Variants in CTNND2 observed in about 807,000 individuals in gnomAD.
The protein encoded by CTNND2 is catenin delta 2.
CTNND2 carries 22 observed loss-of-function variants against 144.4 expected under a neutral mutation model. The observed-to-expected ratio is 0.15, with a 90% confidence interval of 0.11 to 0.22. The LOEUF is 0.22. CTNND2 is among the 10% of genes least tolerant of loss of function. CTNND2 has a pLI of 1.00. For synonymous variants in CTNND2, 751 were observed against 695.6 expected (o/e 1.08, Z -1.25); for missense variants, 1,353 against 1,618.8 (o/e 0.84, Z 2.82).
At chr5:11,609,257 CT>C in intron 2 of CTNND2, among the ~76,000 whole-genome samples, 1 of 152,312 alleles carries the variant, frequency 6.6e-6, no homozygotes, top group Non-Finnish European at 1.5e-5. Flanking sequence ...TATCACATGT[CT>C]CCCAGTAAGT....
chr5:11,719,743 C>G (rs1274074600), intron 2 of CTNND2, among the ~76,000 whole-genome samples: 7 of 151,970 alleles, frequency 4.6e-5, no homozygotes, highest in Admixed American at 4.6e-4. Flanking sequence ...TTAAGTCCCT[C>G]ACAGATATTC....
intron 9 of CTNND2, among the ~76,000 whole-genome samples, chr5:11,312,343 G>C (rs1335470174): frequency 6.6e-6 from 1 of 151,816 alleles, no homozygotes; most frequent in Admixed American, 6.6e-5. Flanking sequence ...CCCAAGACTG[G>C]GAAGAAAAAG....
rs144447939 is a variant in CTNND2 at position 10,995,191 on chromosome 5, C to T, written c.3085-2514G>A. On this transcript the variant is annotated intron_variant, in intron 18 of 21. Transcript: ENST00000304623. ...AAGAGAATGGATGCAAACCTGTAAG[C>T]GAATGCAAATAAAGAAAAGCAGAAG... Among the ~76,000 whole-genome samples the T allele has an allele frequency of 1.5e-3, 235 of 152,176 alleles. 4 individuals carry two copies. Among genetic ancestry groups the T allele is most frequent in the Admixed American group, 0.014 (208 of 15,286 alleles).
chr5:11,605,869 C>G (rs1780017465), intron 2 of CTNND2, among the ~76,000 whole-genome samples: 1 of 152,146 alleles, frequency 6.6e-6, no homozygotes, highest in Admixed American at 6.6e-5. Context: ...TGTAATTACT[C>G]AGTCAAACAT....
At chr5:11,635,010 G>A (rs919063717) in intron 2 of CTNND2, among the ~76,000 whole-genome samples, 1 of 151,956 alleles carries the variant, frequency 6.6e-6, no homozygotes, top group Non-Finnish European at 1.5e-5. Context: ...AGAAATTAGA[G>A]GTAGGGATTA....
In CTNND2 at chr5:11,309,220, G is replaced by A. The variant is rs1286443609; in HGVS notation, c.1628+37152C>T. Among the ~76,000 whole-genome samples the A allele has an allele frequency of 2.0e-5, 3 of 152,158 alleles. No individual in the cohort carries two copies. The South Asian group carries it at 6.2e-4, about 31-fold the overall frequency. Reference sequence around the variant, plus strand: ...CCACTGTCCTCCAGACCCCAGAATGGTAGATCCACTGATAGCTTGCACTGT... The same window carrying A: ...CCACTGTCCTCCAGACCCCAGAATGATAGATCCACTGATAGCTTGCACTGT... On this transcript the variant is annotated intron_variant, in intron 9 of 21. Coordinates refer to ENST00000304623, the MANE Select transcript of CTNND2 (RefSeq NM_001332.4).
intron 5 of CTNND2, among the ~76,000 whole-genome samples, chr5:11,404,743 A>T (rs1760949732): frequency 6.7e-6 from 1 of 149,340 alleles, no homozygotes; most frequent in South Asian, 2.1e-4. Context: ...TCAGCCTCTC[A>T]AGTAGCTGGG....
At chr5:11,235,939 T>G (rs1741582584) in intron 10 of CTNND2, among the ~76,000 whole-genome samples, 1 of 152,230 alleles carries the variant, frequency 6.6e-6, no homozygotes, top group South Asian at 2.1e-4. Flanking sequence ...GCCATAAAGA[T>G]GACTCGTTAT....
At chr5:11,866,922 G>A (rs543081839) in intron 1 of CTNND2, among the ~76,000 whole-genome samples, 2 of 152,282 alleles carry the variant, frequency 1.3e-5, no homozygotes, top group South Asian at 2.1e-4. Flanking sequence ...ACCTTATCAC[G>A]AGCAGTAGAT....
chr5:11,152,355 G>A (rs1055607292), intron 12 of CTNND2, among the ~76,000 whole-genome samples: 1 of 152,128 alleles, frequency 6.6e-6, no homozygotes, highest in Non-Finnish European at 1.5e-5. Flanking sequence ...CTTACCATTT[G>A]TGTTACAACT....
chr5:11,014,620 C>A (rs1741420314), intron 18 of CTNND2, among the ~76,000 whole-genome samples: 1 of 152,098 alleles, frequency 6.6e-6, no homozygotes, highest in African/African-American at 2.4e-5. Flanking sequence ...TGCTTTGGTT[C>A]CAAATGCAGC....
rs61763048 is a variant in CTNND2 at position 11,563,607 on chromosome 5, T to G, written c.287+1337A>C. On this transcript the variant is annotated intron_variant, in intron 3 of 21. Transcript: ENST00000304623. ...GTTTAATACACCATGATGTACGTAT[T>G]TGCAGCAACATATACATTTGGATGC... Among the ~76,000 whole-genome samples the G allele has an allele frequency of 6.6e-5, 10 of 152,330 alleles. No individual in the cohort carries two copies. The East Asian group carries it at 1.9e-3, about 29-fold the overall frequency.
chr5:10,973,549 G>A lies in CTNND2; in HGVS notation c.3582C>T (p.Thr1194=), dbSNP rs1411915097. ...CTGAGTAGAAGTCAACGTAGTTGCC[G>A]GTGGACTTGAGACCCAGGTGCATGG... The part of the protein sequence containing the change: ...EYTMHLGLKS[T]GNYVDFYSAA... The change falls in exon 22 of 22, where the codon ACC becomes ACT. Residue 1194 remains threonine, a synonymous_variant. Transcript: ENST00000304623. This position sits in a 1 kb window ranked among gnomAD's most constrained non-coding sequence, Gnocchi z 5.6. 3.8e-5 allele frequency: 62 copies of A among 1,614,024 alleles called. No homozygotes were observed. Among genetic ancestry groups the A allele is most frequent in the Middle Eastern group, 1.6e-4 (1 of 6,084 alleles).
chr5:11,104,765 T>C (rs1048963672), intron 14 of CTNND2, among the ~76,000 whole-genome samples: 6 of 152,164 alleles, frequency 3.9e-5, no homozygotes, highest in African/African-American at 1.4e-4. Flanking sequence ...TGATGGCTAA[T>C]TAGCTGTATT....
chr5:11,702,650 G>T (rs1785506637), intron 2 of CTNND2, among the ~76,000 whole-genome samples: 1 of 152,186 alleles, frequency 6.6e-6, no homozygotes. Flanking sequence ...TGCTACACCG[G>T]ATCCTAGGGT....
intron 3 of CTNND2, among the ~76,000 whole-genome samples, chr5:11,523,634 A>T (rs750130551): frequency 1.3e-5 from 2 of 152,200 alleles, no homozygotes; most frequent in African/African-American, 4.8e-5. Flanking sequence ...ATCTCAGTTC[A>T]TCTCCAAGTA....
chr5:11,103,653 G>C (rs534495712), intron 14 of CTNND2, among the ~76,000 whole-genome samples: 1 of 151,332 alleles, frequency 6.6e-6, no homozygotes, highest in Non-Finnish European at 1.5e-5. Context: ...CTGTGTGACA[G>C]AGCAAGACTG....
At chr5:11,542,672 C>T (rs1774865752) in intron 3 of CTNND2, among the ~76,000 whole-genome samples, 1 of 152,142 alleles carries the variant, frequency 6.6e-6, no homozygotes, top group South Asian at 2.1e-4. Context: ...ATGAAAAGGT[C>T]ATTATACACT....
intron 1 of CTNND2, among the ~76,000 whole-genome samples, chr5:11,734,842 A>G (rs1787590326): frequency 6.6e-6 from 1 of 152,224 alleles, no homozygotes; most frequent in African/African-American, 2.4e-5. Flanking sequence ...GAAAGCAGTC[A>G]TCCAAATTTC....
Sources: gnomAD v4.1 joint callset for allele counts (sites outside exome capture counted in the v4.1 genomes callset) on GRCh38, gnomAD v4.1.1 for gene constraint, Gnocchi (gnomAD v3.1) non-coding constraint, MANE v1.5 for transcripts, NCBI Gene and HGNC (gene_info 2026-07-23, HGNC 2026-07-21) for gene names.